Variants in ARB2A observed in about 807,000 individuals in gnomAD.
ARB2A encodes cotranscriptional regulator ARB2A.
At chr5:93,827,683 C>T in the ARB2A span, among the ~76,000 whole-genome samples, 2 of 151,636 alleles carry the variant, frequency 1.3e-5, no homozygotes, top group Non-Finnish European at 2.9e-5. Context: ...TGCCTATGTC[C>T]TGAATGGTAA....
chr5:93,847,055 G>A, the ARB2A span, among the ~76,000 whole-genome samples: 3 of 152,126 alleles, frequency 2.0e-5, no homozygotes, highest in Non-Finnish European at 4.4e-5. Flanking sequence ...GTAATCCTTT[G>A]TTGTCATTTC....
chr5:94,083,892 T>C, the ARB2A span, among the ~76,000 whole-genome samples: 18 of 151,686 alleles, frequency 1.2e-4, no homozygotes, highest in East Asian at 2.3e-3. Flanking sequence ...TGGCTTGCTC[T>C]AAGATTTATA....
At chr5:93,850,601 T>A in the ARB2A span, among the ~76,000 whole-genome samples, 2 of 152,154 alleles carry the variant, frequency 1.3e-5, no homozygotes, top group Admixed American at 1.3e-4. Flanking sequence ...TGAAGTTTTT[T>A]TATTCTTAAC....
the ARB2A span, among the ~76,000 whole-genome samples, chr5:94,024,959 AG>A: frequency 9.2e-5 from 14 of 152,236 alleles, no homozygotes; most frequent in Non-Finnish European, 1.8e-4. Flanking sequence ...GAAATATAAA[AG>A]GGCCAACTCA....
At chr5:94,106,308 G>T in the ARB2A span, among the ~76,000 whole-genome samples, 4 of 151,892 alleles carry the variant, frequency 2.6e-5, no homozygotes, top group Non-Finnish European at 5.9e-5. Flanking sequence ...CATAAAAAAT[G>T]GGCAAAGGAC....
chr5:93,893,520 T>A, the ARB2A span, among the ~76,000 whole-genome samples: 1 of 152,116 alleles, frequency 6.6e-6, no homozygotes, highest in Non-Finnish European at 1.5e-5. Flanking sequence ...CTACCACACA[T>A]ATAGAACAAA....
At chr5:93,848,396 A>G in the ARB2A span, among the ~76,000 whole-genome samples, 1 of 151,946 alleles carries the variant, frequency 6.6e-6, no homozygotes, top group African/African-American at 2.4e-5. Context: ...TTAAAAAAAA[A>G]AAAAAAGAAA....
chr5:93,912,910 T>TA, the ARB2A span, among the ~76,000 whole-genome samples: 11 of 151,510 alleles, frequency 7.3e-5, no homozygotes, highest in African/African-American at 2.2e-4. Flanking sequence ...ACCATTTTTT[T>TA]AAAAAAAAAT....
the ARB2A span, among the ~76,000 whole-genome samples, chr5:93,901,555 A>G: frequency 6.6e-6 from 1 of 152,166 alleles, no homozygotes; most frequent in South Asian, 2.1e-4. Context: ...AAAAAATTCA[A>G]TACTACCTCA....
the ARB2A span, among the ~76,000 whole-genome samples, chr5:93,901,572 T>C: frequency 2.0e-5 from 3 of 152,110 alleles, no homozygotes; most frequent in African/African-American, 7.2e-5. Context: ...CTCAAAAACT[T>C]TGAAAGATGT....
the ARB2A span, among the ~76,000 whole-genome samples, chr5:93,953,193 T>G: frequency 1.3e-5 from 2 of 152,170 alleles, no homozygotes; most frequent in African/African-American, 4.8e-5. Flanking sequence ...TTTTCCTGGA[T>G]AGTCTTGATG....
chr5:93,959,533 A>G, the ARB2A span, among the ~76,000 whole-genome samples: 1 of 152,144 alleles, frequency 6.6e-6, no homozygotes, highest in Non-Finnish European at 1.5e-5. Context: ...TCAGCCAGGA[A>G]TACCACTAAA....
the ARB2A span, chr5:94,111,418 G>T: frequency 1.3e-5 from 2 of 153,756 alleles, no homozygotes; most frequent in South Asian, 3.7e-4. Flanking sequence ...CAGGGCCAGC[G>T]ACCACCGCCT....
chr5:93,693,222 CAG>C, the ARB2A span, among the ~76,000 whole-genome samples: 19 of 151,998 alleles, frequency 1.3e-4, no homozygotes, highest in East Asian at 3.5e-3. Flanking sequence ...CTGAAGGAGA[CAG>C]AGACATGAAA....
the ARB2A span, among the ~76,000 whole-genome samples, chr5:93,937,015 A>C: frequency 7.0e-6 from 1 of 142,240 alleles, no homozygotes; most frequent in African/African-American, 2.7e-5. Context: ...ATCTTGGCTC[A>C]CTGCAAGCTC....
chr5:94,038,776 A>G, the ARB2A span, among the ~76,000 whole-genome samples: 1 of 152,038 alleles, frequency 6.6e-6, no homozygotes, highest in Non-Finnish European at 1.5e-5. Context: ...GCGCTCAGCT[A>G]AAGACAAAAC....
the ARB2A span, among the ~76,000 whole-genome samples, chr5:93,886,955 C>A: frequency 6.6e-6 from 1 of 151,656 alleles, no homozygotes; most frequent in Non-Finnish European, 1.5e-5. Flanking sequence ...AAGTTTCCAA[C>A]TTCAAATAAA....
chr5:94,003,319 C>G, the ARB2A span, among the ~76,000 whole-genome samples: 1 of 152,116 alleles, frequency 6.6e-6, no homozygotes, highest in Admixed American at 6.5e-5. Context: ...ACTTTTACCA[C>G]ACTTATTCAA....
chr5:93,890,773 C>T, the ARB2A span, among the ~76,000 whole-genome samples: 3 of 152,014 alleles, frequency 2.0e-5, no homozygotes, highest in East Asian at 5.8e-4. Context: ...TGTGAAGAGG[C>T]GTCTTTAGCC....
Sources: gnomAD v4.1 joint callset for allele counts (sites outside exome capture counted in the v4.1 genomes callset) on GRCh38, gnomAD v4.1.1 for gene constraint, MANE v1.5 for transcripts, NCBI Gene and HGNC (gene_info 2026-07-23, HGNC 2026-07-21) for gene names.